Variants in CXCR2 observed in about 807,000 individuals in gnomAD.
CXCR2 encodes C-X-C chemokine receptor type 2.
In CXCR2, 2 loss-of-function variants were observed where a neutral mutation model predicts 3.7. That is an observed-to-expected ratio of 0.55 (90% CI 0.22 to 1.72). CXCR2 has a LOEUF of 1.72. Among genes scored for constraint, CXCR2 ranks in the 40% most tolerant of loss-of-function variants. The probability of loss-of-function intolerance (pLI) is 0.19; values close to 1 mark genes in which losing one functional copy is unlikely to be tolerated. For missense variants in CXCR2, 351 were observed against 450.1 expected, an observed-to-expected ratio of 0.78 and a Z score of 1.99; for synonymous variants, 203 against 193.3, an observed-to-expected ratio of 1.05 and a Z score of -0.41.
At position 218,135,774 on chromosome 2, in the gene CXCR2, C is replaced by T. The variant is rs776273327; in HGVS notation, c.973C>T (p.Leu325Phe). Residue 325 changes from leucine (L) to phenylalanine (F), a missense_variant, in exon 3 of 3, where the codon CTC becomes TTC. Transcript: ENST00000318507. This position sits in a 1 kb window ranked among gnomAD's most constrained non-coding sequence, Gnocchi z 4.0. ...CATTGGCCAGAAGTTTCGCCATGGA[C>T]TCCTCAAGATTCTAGCTATACATGG... ...AFIGQKFRHGLLKILAIHGLI... is the reference protein window; with the variant it reads ...AFIGQKFRHGFLKILAIHGLI... 1.2e-6 allele frequency: 2 copies of T among 1,614,138 alleles called. No homozygotes were observed. The highest frequency in any genetic ancestry group is 1.7e-6 in the Non-Finnish European group (2 of 1,180,038).
intron 2 of CXCR2, 141 bp from the exon 3 acceptor site, chr2:218,134,636 C>T: frequency 4.1e-6 from 3 of 724,300 alleles, no homozygotes; most frequent in Admixed American, 3.0e-5. Context: ...AACCTAAGAG[C>T]TACCACTTAC....
chr2:218,136,152 A>C lies in CXCR2; in HGVS notation c.*268A>C. The C allele has an allele frequency of 7.3e-6, 3 of 409,346 alleles. No homozygotes were observed. The highest frequency in any genetic ancestry group is 1.4e-5 in the Non-Finnish European group (3 of 220,026). 25.4% of individuals were successfully genotyped at this position (409,346 alleles called of 1,614,324 possible). A position where few individuals can be genotyped will look rare whatever the true frequency, so the allele number is the denominator to read the frequency against. On this transcript the variant is annotated 3_prime_UTR_variant, in exon 3 of 3. Transcript: ENST00000318507. ...TGAGCCCATGGCACTCTATGTTCTA[A>C]GAAGTGAAAATCTACACTCCAGTGA...
chr2:218,131,555 C>T (rs914496748), intron 2 of CXCR2, among the ~76,000 whole-genome samples: 16 of 147,548 alleles, frequency 1.1e-4, no homozygotes, highest in Non-Finnish European at 1.2e-4. Context: ...CTGCAAGCTT[C>T]GCTTCCCGGG....
At position 218,134,425 on chromosome 2, in the gene CXCR2, C is replaced by T. The variant is rs138528725; in HGVS notation, c.-25-352C>T. On this transcript the variant is annotated intron_variant, in intron 2 of 2. Transcript: ENST00000318507. ...ACATCTCACATTTCTGAACATTAAACCCAGCCTTGATAGCCAAAGATGCTC... is the reference window on the plus strand; with the variant it reads ...ACATCTCACATTTCTGAACATTAAATCCAGCCTTGATAGCCAAAGATGCTC... 1.6e-4 allele frequency among the ~76,000 whole-genome samples: 25 copies of T among 152,198 alleles called. No homozygotes were observed. The East Asian group carries it at 4.8e-3, about 29-fold the overall frequency.
chr2:218,135,952 T>C lies in CXCR2; in HGVS notation c.*68T>C. On this transcript the variant is annotated 3_prime_UTR_variant, in exon 3 of 3. Transcript: ENST00000318507. This position sits in a 1 kb window ranked among gnomAD's most constrained non-coding sequence, Gnocchi z 4.0. ...CTTCACAGTCACATTCCAAGCCTCA[T>C]GTCCACTGGTTCTTCTTGGTCTCAG... 2 of 1,524,922 alleles carry C rather than the reference T, an allele frequency of 1.3e-6. No individual in the cohort carries two copies. Among genetic ancestry groups the C allele is most frequent in the Middle Eastern group, 2.0e-4 (1 of 5,046 alleles). 94.5% of individuals were successfully genotyped at this position (1,524,922 alleles called of 1,614,324 possible).
chr2:218,136,628 G>T lies in CXCR2; in HGVS notation c.*744G>T, dbSNP rs201363519. The T allele has an allele frequency of 6.0e-6, 1 of 166,934 alleles. No individual in the cohort carries two copies. Among genetic ancestry groups the T allele is most frequent in the Non-Finnish European group, 1.5e-5 (1 of 68,120 alleles). The allele number at this position is 166,934 out of a possible 1,614,324, so 10.3% of individuals were successfully genotyped here. On this transcript the variant is annotated 3_prime_UTR_variant, in exon 3 of 3. Coordinates refer to ENST00000318507, the MANE Select transcript of CXCR2 (RefSeq NM_001557.4). ...AAAGCAGGGACTTGAACCCATATTT[G>T]TACACCAATATTCATAGCAGCTTAT...
intron 1 of CXCR2, among the ~76,000 whole-genome samples, chr2:218,127,950 C>A (rs1285999294): frequency 6.6e-6 from 1 of 152,222 alleles, no homozygotes; most frequent in Admixed American, 6.5e-5. Flanking sequence ...TTTCCCTTGA[C>A]TGGGGATGTA....
At chr2:218,132,857 T>C (rs6723449) in intron 2 of CXCR2, among the ~76,000 whole-genome samples, 93,237 of 152,056 alleles carry the variant, frequency 0.61, 30,278 homozygotes, top group African/African-American at 0.84. Context: ...AATGCTACTA[T>C]GAACATTAGC....
chr2:218,135,485 G>A lies in CXCR2; in HGVS notation c.684G>A (p.Leu228=). 5 of 1,614,204 alleles carry A rather than the reference G, an allele frequency of 3.1e-6. No individual in the cohort carries two copies. The highest frequency in any genetic ancestry group is 2.2e-5 in the East Asian group (1 of 44,876). Residue 228 remains leucine (L), a synonymous_variant, in exon 3 of 3, where the codon CTG becomes CTA. Coordinates refer to ENST00000318507, the MANE Select transcript of CXCR2 (RefSeq NM_001557.4). This position sits in a 1 kb window ranked among gnomAD's most constrained non-coding sequence, Gnocchi z 4.0. The part of the protein sequence containing the change: ...FGFIVPLLIM[L]FCYGFTLRTL... ...TCATCGTGCCACTGCTGATCATGCT[G>A]TTCTGCTACGGATTCACCCTGCGTA...
At position 218,126,357 on chromosome 2, in the gene CXCR2, G is replaced by T. The variant is rs1455556105; in HGVS notation, c.-78+4G>T. The T allele has an allele frequency of 6.6e-6, 1 of 152,384 alleles. No individual in the cohort carries two copies. The highest frequency in any genetic ancestry group is 1.5e-5 in the Non-Finnish European group (1 of 68,058). 9.4% of individuals were successfully genotyped at this position (152,384 alleles called of 1,614,324 possible). ...GTGGCCACTCCAATAACAGCAGGTAGGTGACTTGTTCAGTCTGAGATGCTG... is the reference window on the plus strand; with the variant it reads ...GTGGCCACTCCAATAACAGCAGGTATGTGACTTGTTCAGTCTGAGATGCTG... On this transcript the variant is annotated splice_donor_region_variant and intron_variant, in intron 1 of 2. Coordinates refer to ENST00000318507, the MANE Select transcript of CXCR2 (RefSeq NM_001557.4).
At chr2:218,130,491 A>G (rs1415908135) in intron 2 of CXCR2, among the ~76,000 whole-genome samples, 3 of 152,302 alleles carry the variant, frequency 2.0e-5, no homozygotes, top group Non-Finnish European at 2.9e-5. Flanking sequence ...ACTTTTTTTA[A>G]GAGGAAGGGC....
chr2:218,132,383 T>C (rs1394006610), intron 2 of CXCR2, among the ~76,000 whole-genome samples: 3 of 152,232 alleles, frequency 2.0e-5, no homozygotes, highest in African/African-American at 7.2e-5. Flanking sequence ...TTTTTTCACC[T>C]AGACTAACAT....
rs747399372 is a variant in CXCR2 at position 218,135,214 on chromosome 2, C to A, written c.413C>A (p.Ala138Asp). The A allele has an allele frequency of 6.2e-7, 1 of 1,614,236 alleles. No individual in the cohort carries two copies. The highest frequency in any genetic ancestry group is 8.5e-7 in the Non-Finnish European group (1 of 1,180,048). ...TTCTATAGTGGCATCCTGCTACTGG[C>A]CTGCATCAGTGTGGACCGTTACCTG... is the stretch of plus-strand genomic sequence containing the variant. ...VNFYSGILLL[A>D]CISVDRYLAI... is the part of the protein sequence containing the mutation. Residue 138 changes from alanine to aspartate, a missense_variant, in exon 3 of 3, where the codon GCC becomes GAC. Transcript: ENST00000318507. This position sits in a 1 kb window ranked among gnomAD's most constrained non-coding sequence, Gnocchi z 4.0.
chr2:218,135,606 C>T lies in CXCR2; in HGVS notation c.805C>T (p.Leu269=). ...IFLLCWLPYN[L]VLLADTLMRT... ...CCTGCTCTGCTGGCTGCCCTACAAC[C>T]TGGTCCTGCTGGCAGACACCCTCAT... The change falls in exon 3 of 3, where the codon CTG becomes TTG. Residue 269 remains leucine (L), a synonymous_variant. Transcript: ENST00000318507. This position sits in a 1 kb window ranked among gnomAD's most constrained non-coding sequence, Gnocchi z 4.0. The T allele has an allele frequency of 5.0e-6, 8 of 1,614,136 alleles. No individual in the cohort carries two copies. Among genetic ancestry groups the T allele is most frequent in the Non-Finnish European group, 6.8e-6 (8 of 1,180,026 alleles).
At chr2:218,134,246 A>G (rs1201706902) in intron 2 of CXCR2, among the ~76,000 whole-genome samples, 1 of 152,204 alleles carries the variant, frequency 6.6e-6, no homozygotes, top group East Asian at 1.9e-4. Flanking sequence ...TTAAAAACTG[A>G]ATGGGGCTGA....
rs754779379 is a variant in CXCR2, at chr2:218,135,675, A to G, written c.874A>G (p.Ile292Val). The G allele has an allele frequency of 3.7e-6, 6 of 1,613,374 alleles. No homozygotes were observed. The Admixed American group carries it at 8.3e-5, about 22-fold the overall frequency. The change falls in exon 3 of 3, where the codon ATC (isoleucine) becomes GTC (valine). Residue 292 changes from isoleucine to valine, a missense_variant. Physicochemically the swap from Ile to Val is conservative, Grantham distance 29 (BLOSUM62 3). Coordinates refer to ENST00000318507, the MANE Select transcript of CXCR2 (RefSeq NM_001557.4). This position sits in a 1 kb window ranked among gnomAD's most constrained non-coding sequence, Gnocchi z 4.0. ...IQETCERRNH[I>V]DRALDATEIL... Reference sequence around the variant, plus strand: ...GGAGACCTGTGAGCGCCGCAATCACATCGACCGGGCTCTGGATGCCACCGA... The same window carrying G: ...GGAGACCTGTGAGCGCCGCAATCACGTCGACCGGGCTCTGGATGCCACCGA...
At chr2:218,131,395 C>T (rs535970033) in intron 2 of CXCR2, among the ~76,000 whole-genome samples, 2 of 152,196 alleles carry the variant, frequency 1.3e-5, no homozygotes, top group African/African-American at 4.8e-5. Flanking sequence ...ACCTCCCCAG[C>T]CTTCTGGCCA....
At chr2:218,132,698 G>A (rs1385204608) in intron 2 of CXCR2, among the ~76,000 whole-genome samples, 1 of 152,148 alleles carries the variant, frequency 6.6e-6, no homozygotes, top group East Asian at 1.9e-4. Flanking sequence ...TAAAAATACA[G>A]TATTATAATC....
In CXCR2 at chr2:218,136,390, T is replaced by C; in HGVS notation, c.*506T>C. The C allele has an allele frequency of 5.8e-6, 1 of 171,126 alleles. No homozygotes were observed. The highest frequency in any genetic ancestry group is 1.4e-5 in the Non-Finnish European group (1 of 70,684). 10.6% of individuals were successfully genotyped at this position (171,126 alleles called of 1,614,324 possible). On this transcript the variant is annotated 3_prime_UTR_variant, in exon 3 of 3. Transcript: ENST00000318507. ...CAGAGGTTGCAGTGAGCCGAGATTG[T>C]GCCCCTGCACTCCAGCCTGAGCGAC...
Sources: gnomAD v4.1 joint callset for allele counts (sites outside exome capture counted in the v4.1 genomes callset) on GRCh38, gnomAD v4.1.1 for gene constraint, Gnocchi (gnomAD v3.1) non-coding constraint, MANE v1.5 for transcripts, NCBI Gene and HGNC (gene_info 2026-07-23, HGNC 2026-07-21) for gene names.